Variants in GPC6 observed in about 807,000 individuals in gnomAD.
GPC6 encodes glypican 6.
GPC6 carries 14 observed loss-of-function variants against 55.2 expected under a neutral mutation model. The ratio of observed to expected loss-of-function variants is 0.25; its 90% CI spans 0.17 to 0.40. GPC6 has a LOEUF of 0.40. GPC6 is among the 10% of genes least tolerant of loss of function. GPC6 has a pLI of 1.00. For synonymous variants in GPC6, 278 were observed against 259.6 expected (o/e 1.07, Z -0.68); for missense variants, 641 against 708.5 (o/e 0.90, Z 1.08).
At chr13:93,672,470 T>A (rs2139629766) in intron 2 of GPC6, among the ~76,000 whole-genome samples, 1 of 152,066 alleles carries the variant, frequency 6.6e-6, no homozygotes, top group South Asian at 2.1e-4. Flanking sequence ...AGTATGTTTT[T>A]TTGATGATAT....
intron 4 of GPC6, among the ~76,000 whole-genome samples, chr13:94,274,332 C>T (rs1260224536): frequency 1.3e-5 from 2 of 152,160 alleles, no homozygotes; most frequent in African/African-American, 4.8e-5. Flanking sequence ...TCAAAGTAAA[C>T]AGTTGTTTTC....
intron 4 of GPC6, among the ~76,000 whole-genome samples, chr13:94,237,448 T>G (rs991786375): frequency 6.6e-6 from 1 of 151,998 alleles, no homozygotes; most frequent in Admixed American, 6.6e-5. Flanking sequence ...AATAAACAGA[T>G]AAATAATTAA....
At chr13:94,392,415 A>ATTTTTTTT (rs59173357) in intron 7 of GPC6, among the ~76,000 whole-genome samples, 2 of 105,680 alleles carry the variant, frequency 1.9e-5, no homozygotes, top group Non-Finnish European at 3.8e-5. Flanking sequence ...TCTATTTTTA[A>ATTTTTTTT]TTTTTTTTTT....
intron 1 of GPC6, among the ~76,000 whole-genome samples, chr13:93,466,000 A>C (rs1878890179): frequency 6.6e-6 from 1 of 152,194 alleles, no homozygotes; most frequent in Non-Finnish European, 1.5e-5. Flanking sequence ...TTGATAGACC[A>C]GTCAGAACAC....
intron 3 of GPC6, among the ~76,000 whole-genome samples, chr13:93,984,076 C>A (rs1171961045): frequency 6.6e-6 from 1 of 151,966 alleles, no homozygotes; most frequent in Non-Finnish European, 1.5e-5. Context: ...TATTAGAAGA[C>A]ACTGTCCATT....
rs528923937 is a variant in GPC6, at chr13:93,632,847, C to G, written c.319+87426C>G. Among the ~76,000 whole-genome samples the G allele has an allele frequency of 4.6e-5, 7 of 151,970 alleles. No individual in the cohort carries two copies. The South Asian group carries it at 1.5e-3, about 32-fold the overall frequency. The stretch of plus-strand genomic sequence containing the variant: ...ATGCAAAATCATTTACATATTTAAG[C>G]AGCCAAACCTCAAAGGGCTATTTAT... On this transcript the variant is annotated intron_variant, in intron 2 of 8. Coordinates refer to ENST00000377047, the MANE Select transcript of GPC6 (RefSeq NM_005708.5).
intron 3 of GPC6, among the ~76,000 whole-genome samples, chr13:93,898,346 A>T (rs1054402920): frequency 6.6e-6 from 1 of 152,156 alleles, no homozygotes; most frequent in Admixed American, 6.6e-5. Context: ...AAATAGACAT[A>T]AGCAAATAAT....
chr13:93,603,420 C>G (rs1023324379), intron 2 of GPC6, among the ~76,000 whole-genome samples: 23 of 152,198 alleles, frequency 1.5e-4, no homozygotes, highest in African/African-American at 5.3e-4. Flanking sequence ...ATTTGGTGCT[C>G]TATTTAATAC....
chr13:94,253,450 G>T (rs990210050), intron 4 of GPC6, among the ~76,000 whole-genome samples: 2 of 151,994 alleles, frequency 1.3e-5, no homozygotes, highest in African/African-American at 4.8e-5. Context: ...TATTTAATAA[G>T]AGAGGAGTTT....
intron 1 of GPC6, among the ~76,000 whole-genome samples, chr13:93,245,801 T>C (rs112585140): frequency 7.4e-4 from 113 of 152,322 alleles, no homozygotes; most frequent in African/African-American, 2.6e-3. Context: ...CCCCGCATAC[T>C]TTAAAAAGTT....
chr13:93,376,572 C>G (rs1298860860), intron 1 of GPC6, among the ~76,000 whole-genome samples: 6 of 152,162 alleles, frequency 3.9e-5, no homozygotes, highest in Non-Finnish European at 8.8e-5. Flanking sequence ...ACCATCAGAG[C>G]TCTAACAGTA....
At chr13:93,980,157 G>T (rs1370237510) in intron 3 of GPC6, among the ~76,000 whole-genome samples, 1 of 152,082 alleles carries the variant, frequency 6.6e-6, no homozygotes, top group Non-Finnish European at 1.5e-5. Context: ...GTCAGCTTGT[G>T]CCTGTACCAA....
intron 2 of GPC6, among the ~76,000 whole-genome samples, chr13:93,746,184 G>C (rs141491772): frequency 0.02 from 2,997 of 152,228 alleles, 93 homozygotes; most frequent in African/African-American, 0.067. Context: ...AGCAAGTCAG[G>C]GTGATTCCAA....
At position 93,789,612 on chromosome 13, in the gene GPC6, T is replaced by TATATATATATAATACTAC. The variant is rs1885953814; in HGVS notation, c.320-40531_320-40530insATACTACATATATATATA. Among the ~76,000 whole-genome samples the TATATATATATAATACTAC allele has an allele frequency of 2.5e-3, 48 of 19,122 alleles. 1 individual carries two copies. Among genetic ancestry groups the TATATATATATAATACTAC allele is most frequent in the African/African-American group, 8.1e-3 (46 of 5,660 alleles). 12.5% of individuals were successfully genotyped at this position (19,122 alleles called of 152,430 possible). A position where few individuals can be genotyped will look rare whatever the true frequency, so the allele number is the denominator to read the frequency against. On this transcript the variant is annotated intron_variant, in intron 2 of 8. Transcript: ENST00000377047. ...ATATAATACTACATATATATATATA[T>TATATATATATAATACTAC]ATATATATATATATATATATATATA...
chr13:94,060,863 A>G (rs914148818), intron 4 of GPC6, among the ~76,000 whole-genome samples: 1 of 152,198 alleles, frequency 6.6e-6, no homozygotes, highest in South Asian at 2.1e-4. Context: ...ATTATTAAGT[A>G]GCTCTCTTTT....
chr13:93,436,844 T>C (rs1397046440), intron 1 of GPC6, among the ~76,000 whole-genome samples: 2 of 152,090 alleles, frequency 1.3e-5, no homozygotes, highest in Non-Finnish European at 2.9e-5. Context: ...GCATACCTCA[T>C]TTTATTGTGT....
At position 93,248,010 on chromosome 13, in the gene GPC6, A is replaced by T. The variant is rs370915151; in HGVS notation, c.160+20394A>T. On this transcript the variant is annotated intron_variant, in intron 1 of 8. Coordinates refer to ENST00000377047, the MANE Select transcript of GPC6 (RefSeq NM_005708.5). ...AACACAAAATTTAACTAATTAACTGAATCAGTTACTCGGCCTGGGCTATTG... is the reference window on the plus strand; with the variant it reads ...AACACAAAATTTAACTAATTAACTGTATCAGTTACTCGGCCTGGGCTATTG... Among the ~76,000 whole-genome samples the T allele has an allele frequency of 1.2e-4, 19 of 152,312 alleles. No homozygotes were observed. The East Asian group carries it at 2.7e-3, about 22-fold the overall frequency.
intron 3 of GPC6, among the ~76,000 whole-genome samples, chr13:93,953,857 C>T (rs1054189938): frequency 1.3e-4 from 20 of 152,098 alleles, no homozygotes; most frequent in African/African-American, 4.8e-4. Flanking sequence ...TGTTTTTCTT[C>T]TATTCAAAAA....
At chr13:93,316,521 C>A (rs1206273873) in intron 1 of GPC6, among the ~76,000 whole-genome samples, 1 of 151,960 alleles carries the variant, frequency 6.6e-6, no homozygotes, top group Non-Finnish European at 1.5e-5. Context: ...TGAAAGTATG[C>A]TCTAGGGCAT....
Sources: gnomAD v4.1 joint callset for allele counts (sites outside exome capture counted in the v4.1 genomes callset) on GRCh38, gnomAD v4.1.1 for gene constraint, MANE v1.5 for transcripts, NCBI Gene and HGNC (gene_info 2026-07-23, HGNC 2026-07-21) for gene names.